PVR: variants seen among roughly 807,000 people sequenced by gnomAD.
PVR encodes the protein PVR cell adhesion molecule.
Under a neutral mutation model 43.3 loss-of-function variants are expected in PVR, and 39 were observed. The ratio of observed to expected loss-of-function variants is 0.90; its 90% confidence interval spans 0.70 to 1.18. The LOEUF is 1.18. Among genes scored for constraint, PVR ranks in the 50% most tolerant of loss-of-function variants. The pLI is 0.00. For synonymous variants in PVR, 224 were observed against 233.2 expected (o/e 0.96, Z 0.36); for missense variants, 480 against 549.7 (o/e 0.87, Z 1.27).
chr19:44,661,899 C>A lies in PVR; in HGVS notation c.*88C>A. The stretch of plus-strand genomic sequence containing the variant: ...GACCCGACCCCAATGGATGAAGACC[C>A]CCTCCAAAGAGACCAGCCTCCCTCC... On this transcript the variant is annotated 3_prime_UTR_variant, in exon 8 of 8. Transcript: ENST00000425690. 7.9e-7 allele frequency: 1 copy of A among 1,262,910 alleles called. No homozygotes were observed. The highest frequency in any genetic ancestry group is 1.1e-6 in the Non-Finnish European group (1 of 876,420). 78.2% of individuals were successfully genotyped at this position (1,262,910 alleles called of 1,614,324 possible).
At position 44,647,537 on chromosome 19, in the gene PVR, A is replaced by G; in HGVS notation, c.394A>G (p.Ser132Gly). 1 of 1,613,710 alleles carries G rather than the reference A, an allele frequency of 6.2e-7. No homozygotes were observed. The highest frequency in any genetic ancestry group is 1.7e-5 in the Admixed American group (1 of 59,992). Residue 132 changes from serine (S) to glycine (G), a missense_variant, in exon 2 of 8, where the codon AGC becomes GGC. Ser to Gly is a moderately conservative substitution (Grantham distance 56, BLOSUM62 0). Coordinates refer to ENST00000425690, the MANE Select transcript of PVR (RefSeq NM_006505.5). ...CCTGTTCGTCACGTTCCCGCAGGGC[A>G]GCAGGAGCGTGGATATCTGGCTCCG... ...TCLFVTFPQG[S>G]RSVDIWLRVL...
chr19:44,649,609 G>A (rs1490921622), intron 2 of PVR, among the ~76,000 whole-genome samples, 200 bp from the exon 3 acceptor site: 3 of 151,702 alleles, frequency 2.0e-5, no homozygotes, highest in Non-Finnish European at 4.4e-5. Context: ...TTTTAATAGA[G>A]ACAGTTTCTC....
Position 44,661,902 on chromosome 19 carries a change from T to A in PVR, c.*91T>A. 8.3e-7 allele frequency: 1 copy of A among 1,204,300 alleles called. No individual in the cohort carries two copies. The highest frequency in any genetic ancestry group is 1.2e-6 in the Non-Finnish European group (1 of 827,642). 74.6% of individuals were successfully genotyped at this position (1,204,300 alleles called of 1,614,324 possible). On this transcript the variant is annotated 3_prime_UTR_variant, in exon 8 of 8. Coordinates refer to ENST00000425690, the MANE Select transcript of PVR (RefSeq NM_006505.5). ...CCGACCCCAATGGATGAAGACCCCC[T>A]CCAAAGAGACCAGCCTCCCTCCCTG...
rs201583433 is a variant in PVR, at chr19:44,649,776, T to A, written c.428-33T>A. On this transcript the variant is annotated intron_variant, in intron 2 of 7. Coordinates refer to ENST00000425690, the MANE Select transcript of PVR (RefSeq NM_006505.5). Reference sequence around the variant, plus strand: ...CCCCTTCTGCCACGGAGGGGTTCATTGAATGACTTGTTGCTTTTGTTCCTC... The same window carrying A: ...CCCCTTCTGCCACGGAGGGGTTCATAGAATGACTTGTTGCTTTTGTTCCTC... 94 of 1,608,174 alleles carry A rather than the reference T, an allele frequency of 5.8e-5. 1 individual carries two copies. In the African/African-American group the frequency reaches 1.1e-3, roughly 19 times the overall value.
intron 1 of PVR, among the ~76,000 whole-genome samples, chr19:44,644,445 C>A (rs536823151): frequency 6.6e-6 from 1 of 152,258 alleles, no homozygotes; most frequent in South Asian, 2.1e-4. Flanking sequence ...CCTCTGGGCC[C>A]CTCGGAAAGG....
At chr19:44,659,451 G>T (rs971327521) in intron 6 of PVR, among the ~76,000 whole-genome samples, 6 of 151,924 alleles carry the variant, frequency 3.9e-5, no homozygotes, top group Admixed American at 1.3e-4. Context: ...TAACCCCCTC[G>T]ATTTTAATTT....
At chr19:44,648,135 T>C (rs1457212792) in intron 2 of PVR, among the ~76,000 whole-genome samples, 3 of 152,184 alleles carry the variant, frequency 2.0e-5, no homozygotes, top group Admixed American at 6.5e-5. Flanking sequence ...TTTACCTGCA[T>C]ATTCTAATTG....
intron 1 of PVR, 35 bp downstream of exon 1, chr19:44,644,210 C>T (rs1167167841): frequency 6.9e-7 from 1 of 1,446,942 alleles, no homozygotes; most frequent in East Asian, 2.9e-5. Flanking sequence ...TGGCCCCTGT[C>T]TGGCTCCCAG....
At chr19:44,659,723 C>T (rs549247947) in intron 6 of PVR, among the ~76,000 whole-genome samples, 12 of 152,240 alleles carry the variant, frequency 7.9e-5, no homozygotes, top group African/African-American at 2.4e-4. Flanking sequence ...CTCCTGTGAT[C>T]CACCCGCCTC....
intron 4 of PVR, among the ~76,000 whole-genome samples, chr19:44,655,147 GATCA>G (rs1973406366): frequency 1.3e-5 from 2 of 152,056 alleles, no homozygotes; most frequent in Non-Finnish European, 2.9e-5. Context: ...GCAGTGGCGT[GATCA>G]TAGCTCACTG....
Position 44,657,776 on chromosome 19 carries a change from T to C in PVR, c.857T>C (p.Leu286Pro), listed in dbSNP as rs1405499938. ...GTCTCTCCCAGGACCATGGGTCCCC[T>C]GCCACCCTTTGCTGTGGCCCAGGGC... ...GYNWSTTMGP[L>P]PPFAVAQGAQ... is the part of the protein sequence containing the mutation. The change falls in exon 5 of 8, where the codon CTG becomes CCG. Residue 286 changes from leucine to proline, a missense_variant. Coordinates refer to ENST00000425690, the MANE Select transcript of PVR (RefSeq NM_006505.5). The C allele has an allele frequency of 6.8e-6, 11 of 1,614,128 alleles. No individual in the cohort carries two copies. The highest frequency in any genetic ancestry group is 9.3e-6 in the Non-Finnish European group (11 of 1,179,980).
rs1973156793 is a variant in PVR at position 44,647,437 on chromosome 19, A to G, written c.294A>G (p.Arg98=). ...AACGGCTGGAATTCGTGGCAGCCAG[A>G]CTGGGCGCGGAGCTGCGGAATGCCT... is the stretch of plus-strand genomic sequence containing the variant. ...ESKRLEFVAA[R]LGAELRNASL... Residue 98 remains arginine, a synonymous_variant, in exon 2 of 8, where the codon AGA becomes AGG. Transcript: ENST00000425690. 3 of 1,614,052 alleles carry G rather than the reference A, an allele frequency of 1.9e-6. No individual in the cohort carries two copies. Among genetic ancestry groups the G allele is most frequent in the Non-Finnish European group, 2.5e-6 (3 of 1,179,996 alleles).
chr19:44,662,052 A>G lies in PVR; in HGVS notation c.*241A>G. 1 of 544,288 alleles carries G rather than the reference A, an allele frequency of 1.8e-6. No individual in the cohort carries two copies. The highest frequency in any genetic ancestry group is 3.3e-6 in the Non-Finnish European group (1 of 301,774). The allele number at this position is 544,288 out of a possible 1,614,324, so 33.7% of individuals were successfully genotyped here. On this transcript the variant is annotated 3_prime_UTR_variant, in exon 8 of 8. Coordinates refer to ENST00000425690, the MANE Select transcript of PVR (RefSeq NM_006505.5). ...GTTAGGCTCACAGTTACAGTTTATT[A>G]CAGTAAAAGGACAGAGATTAAGATC...
rs116405530 is a variant in PVR at position 44,662,261 on chromosome 19, T to G, written c.*450T>G. The G allele has an allele frequency of 0.019, 3,410 of 176,504 alleles. 135 individuals carry two copies. The highest frequency in any genetic ancestry group is 0.075 in the African/African-American group (3,225 of 42,772). The allele number at this position is 176,504 out of a possible 1,614,324, so 10.9% of individuals were successfully genotyped here. A position where few individuals can be genotyped will look rare whatever the true frequency, so the allele number is the denominator to read the frequency against. On this transcript the variant is annotated 3_prime_UTR_variant, in exon 8 of 8. Transcript: ENST00000425690. ...CACTCGAGATCTTTGTGTCCAGAGTTTTTTGTTTGTCTTGAGACAGGGTCT... is the reference window on the plus strand; with the variant it reads ...CACTCGAGATCTTTGTGTCCAGAGTGTTTTGTTTGTCTTGAGACAGGGTCT...
At chr19:44,651,298 G>A (rs1339030486) in intron 3 of PVR, among the ~76,000 whole-genome samples, 3 of 152,038 alleles carry the variant, frequency 2.0e-5, no homozygotes, top group Non-Finnish European at 4.4e-5. Flanking sequence ...GTCTCCCATA[G>A]TGTCTACACT....
chr19:44,661,061 C>T (rs994581874), intron 6 of PVR, among the ~76,000 whole-genome samples: 2 of 152,068 alleles, frequency 1.3e-5, no homozygotes, highest in Non-Finnish European at 1.5e-5. Context: ...GAGCCAGGCT[C>T]GATATTTATG....
Position 44,649,879 on chromosome 19 carries a change from CGTCTCCACAGGGG to C in PVR, c.502_514del (p.Ser168AlafsTer48). The C allele has an allele frequency of 6.2e-7, 1 of 1,614,012 alleles. No homozygotes were observed. Among genetic ancestry groups the C allele is most frequent in the Non-Finnish European group, 8.5e-7 (1 of 1,179,972 alleles). On this transcript the variant is annotated frameshift_variant, in exon 3 of 8. Coordinates refer to ENST00000425690, the MANE Select transcript of PVR (RefSeq NM_006505.5). LOFTEE classifies it high-confidence loss of function. ...GAGAGCCAGTGCCCATGGCCCGCTGCGTCTCCACAGGGGGTCGCCCGCCAGCCCAAATCACCTG... is the reference window on the plus strand; with the variant it reads ...GAGAGCCAGTGCCCATGGCCCGCTGCGTCGCCCGCCAGCCCAAATCACCTG...
At chr19:44,658,681 A>G in intron 5 of PVR, 61 bp from the exon 6 acceptor site, 1 of 1,431,982 alleles carries the variant, frequency 7.0e-7, no homozygotes, top group Non-Finnish European at 9.5e-7. Flanking sequence ...ATGCCATTTC[A>G]AGAATGAGGG....
chr19:44,661,312 T>A lies in PVR; in HGVS notation c.1171T>A (p.Ser391Thr). 6.2e-7 allele frequency: 1 copy of A among 1,613,984 alleles called. No individual in the cohort carries two copies. Among genetic ancestry groups the A allele is most frequent in the Non-Finnish European group, 8.5e-7 (1 of 1,179,872 alleles). ...CCCAGGTACAGAGCATGCCAGCGCC[T>A]CAGCTAATGGGGTAAGTGCAGTGTT... ...CPSSTEHASA[S>T]ANGHVSYSAV... Residue 391 changes from serine (S) to threonine (T), a missense_variant, in exon 7 of 8, where the codon TCA becomes ACA. Physicochemically the swap from Ser to Thr is moderately conservative, Grantham distance 58 (BLOSUM62 1). Transcript: ENST00000425690.
Sources: allele counts gnomAD v4.1 joint callset (sites outside exome capture counted in the v4.1 genomes callset), GRCh38; gene constraint gnomAD v4.1.1; transcripts MANE v1.5; gene names NCBI Gene and HGNC (gene_info 2026-07-23, HGNC 2026-07-21).